TSG101: variants seen among roughly 807,000 people sequenced by gnomAD.
TSG101 encodes the protein tumor susceptibility gene 101 protein.
TSG101 carries 19 observed loss-of-function variants against 48.5 expected under a neutral mutation model. The ratio of observed to expected loss-of-function variants is 0.39; its 90% CI spans 0.27 to 0.58. The LOEUF (loss-of-function observed/expected upper bound fraction) is 0.58, where lower values mean the gene tolerates loss of function less well. Among genes scored for constraint, TSG101 ranks in the 20% least tolerant of loss-of-function variants. The pLI, the probability that TSG101 is intolerant of heterozygous loss-of-function variation, is 0.55. For synonymous variants in TSG101, 174 were observed against 169.4 expected, an observed-to-expected ratio of 1.03 and a Z score of -0.21; for missense variants, 365 against 484.4, an observed-to-expected ratio of 0.75 and a Z score of 2.31.
At chr11:18,509,453 G>A (rs1275372794) in intron 5 of TSG101, 89 bp downstream of exon 5, 16 of 1,484,656 alleles carry the variant, frequency 1.1e-5, no homozygotes, top group African/African-American at 1.4e-5. Context: ...AAAAAGCAAA[G>A]AAGTCATTAT....
At chr11:18,516,366 T>C (rs1273840105) in intron 2 of TSG101, among the ~76,000 whole-genome samples, 1 of 151,724 alleles carries the variant, frequency 6.6e-6, no homozygotes, top group African/African-American at 2.4e-5. Context: ...GTTTTTTTTT[T>C]CAGAGTCTCA....
At chr11:18,481,548 A>G in intron 9 of TSG101, 82 bp downstream of exon 9, 1 of 1,534,012 alleles carries the variant, frequency 6.5e-7, no homozygotes, top group Non-Finnish European at 8.7e-7. Flanking sequence ...ACTACAAAGA[A>G]ACTCTCTTGG....
At chr11:18,500,698 A>G (rs1849873798) in intron 7 of TSG101, among the ~76,000 whole-genome samples, 1 of 151,996 alleles carries the variant, frequency 6.6e-6, no homozygotes. Context: ...GAGTGGTTTC[A>G]ATACCTTGTA....
chr11:18,498,265 C>A (rs543597392), intron 7 of TSG101, among the ~76,000 whole-genome samples: 2 of 152,170 alleles, frequency 1.3e-5, no homozygotes, highest in Non-Finnish European at 2.9e-5. Flanking sequence ...TTGGACTGAA[C>A]TCTGAGTGAA....
intron 1 of TSG101, 112 bp from the exon 2 acceptor site, chr11:18,519,715 G>A: frequency 2.7e-6 from 2 of 737,820 alleles, no homozygotes; most frequent in South Asian, 1.9e-5. Context: ...ATGAAAGCCT[G>A]AAAGAACCTA....
At chr11:18,509,732 C>T in intron 4 of TSG101, 67 bp from the exon 5 acceptor site, 1 of 1,473,802 alleles carries the variant, frequency 6.8e-7, no homozygotes, top group Non-Finnish European at 9.1e-7. Context: ...AAAGGTTAGC[C>T]ATTTCTCATC....
intron 7 of TSG101, among the ~76,000 whole-genome samples, chr11:18,495,090 CTG>C (rs1453518950): frequency 2.0e-5 from 3 of 152,174 alleles, no homozygotes; most frequent in South Asian, 4.1e-4. Context: ...CCCTGAATCT[CTG>C]TTAATAGCAC....
At chr11:18,516,215 C>A in intron 2 of TSG101, 51 bp from the exon 3 acceptor site, 1 of 1,508,028 alleles carries the variant, frequency 6.6e-7, no homozygotes, top group Non-Finnish European at 9.2e-7. Context: ...AAGATACTCC[C>A]ATAAGTTATT....
intron 7 of TSG101, among the ~76,000 whole-genome samples, chr11:18,498,757 C>T (rs1849823997): frequency 1.3e-5 from 2 of 152,028 alleles, no homozygotes; most frequent in South Asian, 4.2e-4. Flanking sequence ...TGGAAATTAT[C>T]AGGAGAGTGA....
At chr11:18,511,114 C>T (rs892176196) in intron 4 of TSG101, 2 of 152,248 alleles carry the variant, frequency 1.3e-5, no homozygotes, top group Middle Eastern at 3.4e-3. Flanking sequence ...TGAAGAATTA[C>T]TCAATCACCT....
chr11:18,481,095 A>G (rs1849530799), intron 9 of TSG101, among the ~76,000 whole-genome samples: 1 of 152,076 alleles, frequency 6.6e-6, no homozygotes, highest in South Asian at 2.1e-4. Context: ...CCCTAAAACC[A>G]TGTTCTCCAT....
intron 1 of TSG101, among the ~76,000 whole-genome samples, chr11:18,521,012 C>CA (rs1333389484): frequency 1.3e-5 from 2 of 150,378 alleles, no homozygotes; most frequent in Non-Finnish European, 2.9e-5. Context: ...GCCTGGGTGA[C>CA]AGAGCTAGAC....
chr11:18,490,942 C>T, intron 7 of TSG101: 1 of 333,372 alleles, frequency 3.0e-6, no homozygotes. Flanking sequence ...TGTACCAGCT[C>T]ACTTTTATCC....
intron 7 of TSG101, among the ~76,000 whole-genome samples, chr11:18,499,318 A>G (rs1465206964): frequency 8.3e-6 from 1 of 120,840 alleles, no homozygotes; most frequent in Non-Finnish European, 1.7e-5. Flanking sequence ...TTATTTATAT[A>G]TATTTATATA....
At chr11:18,488,633 TAGA>T (rs1849655012) in intron 7 of TSG101, among the ~76,000 whole-genome samples, 1 of 152,014 alleles carries the variant, frequency 6.6e-6, no homozygotes. Context: ...GCTCTGGTGC[TAGA>T]AGTTCTTCTC....
At chr11:18,512,380 AT>A in intron 4 of TSG101, among the ~76,000 whole-genome samples, 1 of 152,158 alleles carries the variant, frequency 6.6e-6, no homozygotes, top group African/African-American at 2.4e-5. Context: ...CTATTATTCT[AT>A]TTTTCAGTTC....
At chr11:18,514,951 T>A in intron 3 of TSG101, 110 bp from the exon 4 acceptor site, 1 of 950,814 alleles carries the variant, frequency 1.1e-6, no homozygotes, top group Non-Finnish European at 1.5e-6. Context: ...TATATCCGCA[T>A]CCCCCCCATT....
At position 18,499,661 on chromosome 11, in the gene TSG101, T is replaced by C. The variant is rs1247108422; in HGVS notation, c.640+2825A>G. ...CTCCTGACCTCGCAATCTGCCCGCC[T>C]TGGCCTCCCAAAGTGCTGGGATTAC... is the stretch of plus-strand genomic sequence containing the variant. On this transcript the variant is annotated intron_variant, in intron 7 of 9. Coordinates refer to ENST00000251968, the MANE Select transcript of TSG101 (RefSeq NM_006292.4). 5.3e-5 allele frequency among the ~76,000 whole-genome samples: 8 copies of C among 151,408 alleles called. No homozygotes were observed. The South Asian group carries it at 1.0e-3, about 20-fold the overall frequency.
intron 8 of TSG101, among the ~76,000 whole-genome samples, 194 bp downstream of exon 8, chr11:18,483,676 C>T (rs1032115381): frequency 6.6e-6 from 1 of 152,084 alleles, no homozygotes; most frequent in African/African-American, 2.4e-5. Context: ...TATTATACCC[C>T]TCCCAATCTA....
Sources: gnomAD v4.1 joint callset for allele counts (sites outside exome capture counted in the v4.1 genomes callset) on GRCh38, gnomAD v4.1.1 for gene constraint, MANE v1.5 for transcripts, NCBI Gene and HGNC (gene_info 2026-07-23, HGNC 2026-07-21) for gene names.